RARA: variants seen among roughly 807,000 people sequenced by gnomAD.
The protein encoded by RARA is PML-DDX5-RARA fusion.
RARA carries 5 observed loss-of-function variants against 42.8 expected under a neutral mutation model. That is an observed-to-expected ratio of 0.12 (90% CI 0.06 to 0.25). The LOEUF is 0.25. Among genes scored for constraint, RARA ranks in the 10% least tolerant of loss-of-function variants. RARA has a pLI of 1.00. For synonymous variants in RARA, 256 were observed against 259.5 expected (o/e 0.99, Z 0.13); for missense variants, 402 against 628.7 (o/e 0.64, Z 3.86).
chr17:40,321,876 C>T (rs991453676), intron 1 of RARA, among the ~76,000 whole-genome samples: 1 of 152,176 alleles, frequency 6.6e-6, no homozygotes, highest in African/African-American at 2.4e-5. Flanking sequence ...GAAGACTTCC[C>T]CTTCGCCACT....
Position 40,352,086 on chromosome 17 carries a change from G to A in RARA, c.630+16G>A, listed in dbSNP as rs759383280. The A allele has an allele frequency of 9.7e-6, 15 of 1,543,932 alleles. No homozygotes were observed. The highest frequency in any genetic ancestry group is 1.4e-5 in the African/African-American group (1 of 71,412). On this transcript the variant is annotated intron_variant, in intron 5 of 8. Transcript: ENST00000254066. This position sits in a 1 kb window ranked among gnomAD's most constrained non-coding sequence, Gnocchi z 4.9. ...ATACACTACGGTATGGCTTTCCCCC[G>A]GCCTGCAGGGTGGGATTTGCCCAGG...
rs2034118290 is a variant in RARA, at chr17:40,342,815, G to T, written c.179-5501G>T. The stretch of plus-strand genomic sequence containing the variant: ...TCCCAGAGAAGGGGCTCCCCGCCCC[G>T]GGTCCGTACTCCACCCCGCTCCGGA... On this transcript the variant is annotated intron_variant, in intron 2 of 8. Transcript: ENST00000254066. 3.7e-6 allele frequency: 6 copies of T among 1,612,986 alleles called. No homozygotes were observed. In the East Asian group the frequency reaches 1.3e-4, roughly 36 times the overall value.
Position 40,355,860 on chromosome 17 carries a change from A to T in RARA, c.1172-149A>T. 1 of 779,232 alleles carries T rather than the reference A, an allele frequency of 1.3e-6. No individual in the cohort carries two copies. Among genetic ancestry groups the T allele is most frequent in the Non-Finnish European group, 2.0e-6 (1 of 491,672 alleles). The allele number at this position is 779,232 out of a possible 1,614,324, so 48.3% of individuals were successfully genotyped here. A position where few individuals can be genotyped will look rare whatever the true frequency, so the allele number is the denominator to read the frequency against. On this transcript the variant is annotated intron_variant, in intron 8 of 8. Coordinates refer to ENST00000254066, the MANE Select transcript of RARA (RefSeq NM_000964.4). This position sits in a 1 kb window ranked among gnomAD's most constrained non-coding sequence, Gnocchi z 4.1. ...CACCAGCCTCTGGACCTGGGGGCTTAAGAGAGCTGGCTCGTGTCAAAGAAC... is the reference window on the plus strand; with the variant it reads ...CACCAGCCTCTGGACCTGGGGGCTTTAGAGAGCTGGCTCGTGTCAAAGAAC...
intron 1 of RARA, among the ~76,000 whole-genome samples, chr17:40,324,001 A>G (rs1185751770): frequency 6.6e-6 from 1 of 151,844 alleles, no homozygotes; most frequent in Non-Finnish European, 1.5e-5. Flanking sequence ...GCTGCAGCCT[A>G]TCTCCCCACC....
intron 2 of RARA, chr17:40,341,361 G>C: frequency 2.8e-6 from 4 of 1,446,462 alleles, no homozygotes; most frequent in Non-Finnish European, 3.7e-6. Context: ...CCGCGCTGCC[G>C]CGTCGGGTTC....
chr17:40,352,336 C>G lies in RARA; in HGVS notation c.636C>G (p.Asn212Lys), dbSNP rs1301972280. The change falls in exon 6 of 9, where the codon AAC becomes AAG. Residue 212 changes from asparagine to lysine, a missense_variant. By Grantham distance (94) the Asn-to-Lys change is moderately conservative. Around this residue, in one of 5 missense-constraint regions of RARA, gnomAD observed 130 missense variants for 267.9 expected, o/e 0.49. Coordinates refer to ENST00000254066, the MANE Select transcript of RARA (RefSeq NM_000964.4). This position sits in a 1 kb window ranked among gnomAD's most constrained non-coding sequence, Gnocchi z 4.9. ...CACTCTCCCTCCTCCCCCAGAACAACAGCTCAGAACAACGTGTCTCTCTGG... is the reference window on the plus strand; with the variant it reads ...CACTCTCCCTCCTCCCCCAGAACAAGAGCTCAGAACAACGTGTCTCTCTGG... ...LCQLGKYTTN[N>K]SSEQRVSLDI... 2 of 1,600,464 alleles carry G rather than the reference C, an allele frequency of 1.2e-6. No individual in the cohort carries two copies. Among genetic ancestry groups the G allele is most frequent in the Non-Finnish European group, 1.7e-6 (2 of 1,171,728 alleles).
chr17:40,331,501 G>T, intron 2 of RARA, 105 bp downstream of exon 2: 1 of 1,333,566 alleles, frequency 7.5e-7, no homozygotes, highest in Non-Finnish European at 1.0e-6. Context: ...GGAAGGCACG[G>T]TGAGCGACAA....
intron 1 of RARA, among the ~76,000 whole-genome samples, chr17:40,319,340 C>A (rs973128459): frequency 2.6e-5 from 4 of 152,128 alleles, no homozygotes; most frequent in African/African-American, 7.2e-5. Context: ...AGCTCCCCAG[C>A]CTTGGAGATG....
chr17:40,309,861 G>A (rs2033063403), intron 1 of RARA, among the ~76,000 whole-genome samples: 1 of 152,174 alleles, frequency 6.6e-6, no homozygotes, highest in Non-Finnish European at 1.5e-5. Context: ...TTTTCCTCTA[G>A]GAAAGTTCTT....
rs1431583153 is a variant in RARA at position 40,351,842 on chromosome 17, C to T, written c.470-68C>T. On this transcript the variant is annotated intron_variant, in intron 4 of 8. Transcript: ENST00000254066. The surrounding 1 kb of genome is among the most constrained non-coding windows in gnomAD (Gnocchi z 4.1). ...TCCTCAGCAGCTGGCAGCTCTCTGT[C>T]AGGCTGGGGGTGGACGAGGCCCTGA... 1 of 1,558,774 alleles carries T rather than the reference C, an allele frequency of 6.4e-7. No individual in the cohort carries two copies. The highest frequency in any genetic ancestry group is 8.6e-7 in the Non-Finnish European group (1 of 1,160,148).
intron 1 of RARA, among the ~76,000 whole-genome samples, chr17:40,323,969 G>T (rs922691376): frequency 6.6e-6 from 1 of 152,086 alleles, no homozygotes; most frequent in Non-Finnish European, 1.5e-5. Flanking sequence ...GTTGGGCTGA[G>T]CTGAGGGGAG....
intron 1 of RARA, among the ~76,000 whole-genome samples, chr17:40,316,993 T>A (rs2033228738): frequency 6.6e-6 from 1 of 152,240 alleles, no homozygotes; most frequent in African/African-American, 2.4e-5. Flanking sequence ...TGTCCTACCT[T>A]ACCATGGCTC....
intron 1 of RARA, among the ~76,000 whole-genome samples, chr17:40,313,839 C>T (rs1441526625): frequency 6.6e-6 from 1 of 152,106 alleles, no homozygotes; most frequent in Non-Finnish European, 1.5e-5. Flanking sequence ...CCCCATCAAG[C>T]CTACTGCAGT....
chr17:40,341,763 A>G (rs2034055379), intron 2 of RARA: 13 of 1,280,912 alleles, frequency 1.0e-5, no homozygotes, highest in Non-Finnish European at 1.2e-5. Context: ...CCGCCCCACC[A>G]CCTCCTCCAC....
At chr17:40,329,908 A>T (rs1247104185) in intron 1 of RARA, among the ~76,000 whole-genome samples, 1 of 152,182 alleles carries the variant, frequency 6.6e-6, no homozygotes, top group Non-Finnish European at 1.5e-5. Context: ...TCGTATGGAT[A>T]TGTTCTTCGT....
Position 40,352,087 on chromosome 17 carries a change from G to T in RARA, c.630+17G>T. On this transcript the variant is annotated intron_variant, in intron 5 of 8. Coordinates refer to ENST00000254066, the MANE Select transcript of RARA (RefSeq NM_000964.4). This position sits in a 1 kb window ranked among gnomAD's most constrained non-coding sequence, Gnocchi z 4.9. ...TACACTACGGTATGGCTTTCCCCCG[G>T]CCTGCAGGGTGGGATTTGCCCAGGG... The T allele has an allele frequency of 6.5e-7, 1 of 1,544,538 alleles. No individual in the cohort carries two copies. Among genetic ancestry groups the T allele is most frequent in the Non-Finnish European group, 8.7e-7 (1 of 1,152,072 alleles).
intron 3 of RARA, 180 bp downstream of exon 3, chr17:40,348,644 A>G: frequency 1.4e-6 from 1 of 695,938 alleles, no homozygotes; most frequent in Non-Finnish European, 2.2e-6. Flanking sequence ...CTCCCCCATA[A>G]ATGTGCAGGG....
At chr17:40,342,248 G>A (rs1001126419) in intron 2 of RARA, 5 of 1,049,764 alleles carry the variant, frequency 4.8e-6, no homozygotes, top group Admixed American at 5.5e-5. Flanking sequence ...ACCCCCACCC[G>A]GAATCCTCGC....
Position 40,330,916 on chromosome 17 carries a change from T to G in RARA, c.-303T>G. The G allele has an allele frequency of 2.9e-6, 1 of 346,934 alleles. No homozygotes were observed. The highest frequency in any genetic ancestry group is 4.5e-5 in the East Asian group (1 of 22,300). 21.5% of individuals were successfully genotyped at this position (346,934 alleles called of 1,614,324 possible). A position where few individuals can be genotyped will look rare whatever the true frequency, so the allele number is the denominator to read the frequency against. On this transcript the variant is annotated 5_prime_UTR_variant, in exon 2 of 9. Transcript: ENST00000254066. ...GGGGCCCATCTAGGAGTGGCATCTT[T>G]TTTGGTGCCCTGAAGGCCAGCTCTG...
Sources: allele counts gnomAD v4.1 joint callset (sites outside exome capture counted in the v4.1 genomes callset), GRCh38; gene constraint gnomAD v4.1.1; regional missense constraint gnomAD v4.1.1; non-coding constraint Gnocchi (gnomAD v3.1); transcripts MANE v1.5; gene names NCBI Gene and HGNC (gene_info 2026-07-23, HGNC 2026-07-21).